Variants in SDCCAG8 observed in about 807,000 individuals in gnomAD.
SDCCAG8 encodes serologically defined colon cancer antigen 8.
A neutral mutation model predicts 101.8 loss-of-function variants in SDCCAG8; 74 were observed. The observed-to-expected ratio is 0.73, with a 90% CI of 0.60 to 0.88. The LOEUF (loss-of-function observed/expected upper bound fraction) is 0.88, where lower values mean the gene tolerates loss of function less well. Among genes scored for constraint, SDCCAG8 ranks in the 40% least tolerant of loss-of-function variants. The pLI, the probability that SDCCAG8 is intolerant of heterozygous loss-of-function variation, is 0.00. For synonymous variants in SDCCAG8, 281 were observed against 292.9 expected (o/e 0.96, Z 0.41); for missense variants, 787 against 822.6 (o/e 0.96, Z 0.53).
intron 11 of SDCCAG8, among the ~76,000 whole-genome samples, chr1:243,343,841 T>G (rs2075530480): frequency 6.6e-6 from 1 of 152,254 alleles, no homozygotes. Context: ...TTTAACTGTA[T>G]CAATGTGAAT....
intron 17 of SDCCAG8, among the ~76,000 whole-genome samples, chr1:243,489,879 G>C (rs1347040542): frequency 6.6e-6 from 1 of 152,130 alleles, no homozygotes; most frequent in Non-Finnish European, 1.5e-5. Context: ...AAAGTGTCCC[G>C]GTGAATTTGG....
intron 7 of SDCCAG8, chr1:243,305,082 G>A (rs1199256685): frequency 2.9e-5 from 9 of 305,556 alleles, no homozygotes; most frequent in African/African-American, 4.5e-5. Context: ...TGAAGCGGGC[G>A]AATCACGAGG....
chr1:243,350,410 G>T (rs561107247), intron 12 of SDCCAG8, among the ~76,000 whole-genome samples: 18 of 152,076 alleles, frequency 1.2e-4, no homozygotes, highest in Admixed American at 3.3e-4. Context: ...TAGGGACAGG[G>T]TTTTACCGTG....
At chr1:243,497,741 C>T (rs1668395856) in intron 17 of SDCCAG8, among the ~76,000 whole-genome samples, 1 of 152,204 alleles carries the variant, frequency 6.6e-6, no homozygotes, top group Non-Finnish European at 1.5e-5. Context: ...GTGTTCTCTA[C>T]CCAAAATTCA....
At chr1:243,359,392 T>A (rs889637635) in intron 12 of SDCCAG8, among the ~76,000 whole-genome samples, 8 of 152,218 alleles carry the variant, frequency 5.3e-5, no homozygotes, top group Non-Finnish European at 1.0e-4. Flanking sequence ...ACTATTCAAT[T>A]GTATACTTTC....
At chr1:243,472,705 A>G (rs964739025) in intron 16 of SDCCAG8, among the ~76,000 whole-genome samples, 1 of 152,252 alleles carries the variant, frequency 6.6e-6, no homozygotes, top group African/African-American at 2.4e-5. Context: ...TCCTCAAAAA[A>G]AGAAATGAAA....
At chr1:243,382,429 G>A (rs530394329) in intron 13 of SDCCAG8, among the ~76,000 whole-genome samples, 1 of 152,216 alleles carries the variant, frequency 6.6e-6, no homozygotes, top group Admixed American at 6.5e-5. Flanking sequence ...TGAAAAAAAG[G>A]GGAAACAATA....
At chr1:243,335,214 G>GA (rs1387816687) in intron 10 of SDCCAG8, among the ~76,000 whole-genome samples, 11 of 152,138 alleles carry the variant, frequency 7.2e-5, no homozygotes, top group African/African-American at 2.7e-4. Context: ...AGGCTTTGGG[G>GA]AAAAAATGGC....
chr1:243,420,672 C>A lies in SDCCAG8; in HGVS notation c.1853+2596C>A, dbSNP rs558903122. The stretch of plus-strand genomic sequence containing the variant: ...TACTATTTTTAAAACTCTCAAGCGC[C>A]CCTAAAACTTACGAAAAGTGCATTT... On this transcript the variant is annotated intron_variant, in intron 15 of 17. Coordinates refer to ENST00000366541, the MANE Select transcript of SDCCAG8 (RefSeq NM_006642.5). Among the ~76,000 whole-genome samples, 7 of 152,176 alleles carry A rather than the reference C, an allele frequency of 4.6e-5. No homozygotes were observed. The South Asian group carries it at 1.5e-3, about 32-fold the overall frequency.
chr1:243,491,260 C>G (rs895528734), intron 17 of SDCCAG8, among the ~76,000 whole-genome samples: 1 of 152,150 alleles, frequency 6.6e-6, no homozygotes, highest in African/African-American at 2.4e-5. Flanking sequence ...AAAATTTTCA[C>G]AAAACGCATT....
intron 8 of SDCCAG8, among the ~76,000 whole-genome samples, chr1:243,313,963 AGGAAGCAAGGCCTT>A (rs1008456565): frequency 1.7e-4 from 26 of 152,212 alleles, no homozygotes; most frequent in Admixed American, 1.7e-3. Flanking sequence ...GGAATGGAGT[AGGAAGCAAGGCCTT>A]GTGTTGAGGA....
intron 1 of SDCCAG8, chr1:243,267,975 G>A (rs2067767088): frequency 2.6e-6 from 2 of 781,700 alleles, no homozygotes; most frequent in African/African-American, 3.4e-5. Flanking sequence ...AGGTGTTGCG[G>A]AACTTCTCTT....
At chr1:243,307,413 G>T in intron 7 of SDCCAG8, 4 of 983,034 alleles carry the variant, frequency 4.1e-6, no homozygotes, top group Non-Finnish European at 4.8e-6. Flanking sequence ...ACAGATCTTT[G>T]TAGAAGTTTG....
intron 8 of SDCCAG8, among the ~76,000 whole-genome samples, chr1:243,311,477 AT>A (rs1262505808): frequency 6.6e-6 from 1 of 152,224 alleles, no homozygotes. Flanking sequence ...AGGCAATGAA[AT>A]TGAAAGGGTG....
intron 12 of SDCCAG8, among the ~76,000 whole-genome samples, chr1:243,365,434 G>T (rs1332752511): frequency 6.6e-6 from 1 of 152,074 alleles, no homozygotes; most frequent in Non-Finnish European, 1.5e-5. Flanking sequence ...GTACATCGAA[G>T]TCTTGGAAGT....
intron 13 of SDCCAG8, among the ~76,000 whole-genome samples, chr1:243,381,276 T>C (rs2077932950): frequency 6.6e-6 from 1 of 152,140 alleles, no homozygotes; most frequent in Non-Finnish European, 1.5e-5. Context: ...TTTTGGTGTT[T>C]CTCCTTATGG....
intron 9 of SDCCAG8, among the ~76,000 whole-genome samples, chr1:243,329,139 G>T (rs1021568537): frequency 2.6e-5 from 4 of 152,044 alleles, no homozygotes; most frequent in Admixed American, 2.0e-4. Flanking sequence ...GAAAAAGTAT[G>T]CCTTTTCATT....
chr1:243,282,987 C>T lies in SDCCAG8; in HGVS notation c.421-3285C>T, dbSNP rs2069198820. On this transcript the variant is annotated intron_variant, in intron 4 of 17. Transcript: ENST00000366541. ...TCAGCCTCCCGAGTAGCTGGGATTACAGGTGCCTGCCACCACACCTGGCTA... is the reference window on the plus strand; with the variant it reads ...TCAGCCTCCCGAGTAGCTGGGATTATAGGTGCCTGCCACCACACCTGGCTA... Among the ~76,000 whole-genome samples, 8 of 152,064 alleles carry T rather than the reference C, an allele frequency of 5.3e-5. No homozygotes were observed. In the South Asian group the frequency reaches 1.7e-3, roughly 32 times the overall value.
rs142698096 is a variant in SDCCAG8, at chr1:243,391,948, C to G, written c.1616+13085C>G. On this transcript the variant is annotated intron_variant, in intron 13 of 17. Coordinates refer to ENST00000366541, the MANE Select transcript of SDCCAG8 (RefSeq NM_006642.5). ...TCATCTGAAGTGTGGCTCACCAGGC[C>G]TTTGCCTGGTAGCTCATCTGAAGTG... Among the ~76,000 whole-genome samples the G allele has an allele frequency of 6.6e-3, 981 of 148,188 alleles. 16 individuals are homozygous for G. The highest frequency in any genetic ancestry group is 0.025 in the African/African-American group (941 of 37,662).
Sources: gnomAD v4.1 joint callset for allele counts (sites outside exome capture counted in the v4.1 genomes callset) on GRCh38, gnomAD v4.1.1 for gene constraint, MANE v1.5 for transcripts, NCBI Gene and HGNC (gene_info 2026-07-23, HGNC 2026-07-21) for gene names.